Variants in LARP4B observed in about 807,000 individuals in gnomAD.
The protein encoded by LARP4B is La ribonucleoprotein 4B, also known as la-related protein 4B.
In LARP4B, 12 loss-of-function variants were observed where a neutral mutation model predicts 89.8. That is an observed-to-expected ratio of 0.13 (90% CI 0.09 to 0.22). The LOEUF (loss-of-function observed/expected upper bound fraction) is 0.22, where lower values mean the gene tolerates loss of function less well. Among genes scored for constraint, LARP4B ranks in the 10% least tolerant of loss-of-function variants. The probability of loss-of-function intolerance (pLI) is 1.00; values close to 1 mark genes in which losing one functional copy is unlikely to be tolerated. For missense variants in LARP4B, 757 were observed against 947.7 expected, an observed-to-expected ratio of 0.80 and a Z score of 2.64; for synonymous variants, 367 against 363.3, an observed-to-expected ratio of 1.01 and a Z score of -0.12.
intron 5 of LARP4B, 47 bp downstream of exon 5, chr10:863,696 A>C: frequency 6.5e-7 from 1 of 1,531,118 alleles, no homozygotes; most frequent in Non-Finnish European, 8.8e-7. Flanking sequence ...AAAATAAATA[A>C]AGCAGCCCAT....
At chr10:904,987 A>C (rs1836449619) in intron 1 of LARP4B, among the ~76,000 whole-genome samples, 1 of 152,236 alleles carries the variant, frequency 6.6e-6, no homozygotes, top group Non-Finnish European at 1.5e-5. Context: ...ATTTATTTAA[A>C]ACATTGTATA....
the LARP4B span, among the ~76,000 whole-genome samples, chr10:956,152 C>T: frequency 6.6e-6 from 1 of 152,156 alleles, no homozygotes; most frequent in Non-Finnish European, 1.5e-5. The surrounding 1 kb of genome is among the most constrained non-coding windows in gnomAD (Gnocchi z 4.3). Flanking sequence ...AATGACTCCA[C>T]GAACCCTGAC....
intron 5 of LARP4B, among the ~76,000 whole-genome samples, chr10:861,097 A>G (rs747993323): frequency 2.8e-4 from 43 of 152,184 alleles, no homozygotes; most frequent in Non-Finnish European, 4.3e-4. Flanking sequence ...CGGAGGTTGC[A>G]GTGAGCCGAG....
At chr10:850,543 C>G (rs1230998979) in intron 5 of LARP4B, among the ~76,000 whole-genome samples, 1 of 152,186 alleles carries the variant, frequency 6.6e-6, no homozygotes. Context: ...CAGAACCTTT[C>G]TTTCAATAGT....
chr10:960,690 A>T, the LARP4B span, among the ~76,000 whole-genome samples: 1 of 114,954 alleles, frequency 8.7e-6, no homozygotes, highest in Non-Finnish European at 1.6e-5. Context: ...CCAGGGCAAC[A>T]GAGTGAGACT....
At chr10:849,543 C>T (rs1307317805) in intron 5 of LARP4B, among the ~76,000 whole-genome samples, 2 of 152,184 alleles carry the variant, frequency 1.3e-5, no homozygotes, top group Admixed American at 6.5e-5. Context: ...ATCTCCCATA[C>T]ATAAGAATTT....
intron 1 of LARP4B, among the ~76,000 whole-genome samples, chr10:913,018 GCAAACCTTC>G (rs1239287546): frequency 6.6e-6 from 1 of 152,182 alleles, no homozygotes; most frequent in East Asian, 1.9e-4. Flanking sequence ...AGTTTACAGA[GCAAACCTTC>G]CCTTTGCTTG....
rs371606109 is a variant in LARP4B, at chr10:909,133, C to A, written c.-40+22295G>T. On this transcript the variant is annotated intron_variant, in intron 1 of 17. Coordinates refer to ENST00000316157, the MANE Select transcript of LARP4B (RefSeq NM_015155.3). ...CACGGTGAAACCCCGTCTCTACTAA[C>A]AATACAAAAAATTAGCCGGGCATGG... 7.1e-4 allele frequency among the ~76,000 whole-genome samples: 107 copies of A among 151,748 alleles called. 1 individual carries two copies. In the South Asian group the frequency reaches 0.019, roughly 27 times the overall value.
At chr10:966,001 A>T in the LARP4B span, among the ~76,000 whole-genome samples, 1 of 151,922 alleles carries the variant, frequency 6.6e-6, no homozygotes, top group East Asian at 1.9e-4. Context: ...AAAAGCAGAA[A>T]GGGACTTACG....
At chr10:927,211 T>G (rs1190803040) in intron 1 of LARP4B, among the ~76,000 whole-genome samples, 1 of 151,952 alleles carries the variant, frequency 6.6e-6, no homozygotes, top group Non-Finnish European at 1.5e-5. Flanking sequence ...CATGACAGCT[T>G]CACCAGAAAA....
chr10:908,541 G>C (rs1241063968), intron 1 of LARP4B, among the ~76,000 whole-genome samples: 1 of 120,242 alleles, frequency 8.3e-6, no homozygotes, highest in African/African-American at 3.0e-5. Flanking sequence ...TCATTCTGTG[G>C]GACCTGACAC....
chr10:897,463 A>G (rs1387328874), intron 1 of LARP4B, among the ~76,000 whole-genome samples: 1 of 152,200 alleles, frequency 6.6e-6, no homozygotes, highest in Non-Finnish European at 1.5e-5. Context: ...TGTATTAGGC[A>G]ATGGTTTATT....
At chr10:831,297 T>TAA (rs1554791094) in intron 8 of LARP4B, among the ~76,000 whole-genome samples, 191 of 147,280 alleles carry the variant, frequency 1.3e-3, no homozygotes, top group African/African-American at 4.6e-3. Flanking sequence ...TTTTTTTTTT[T>TAA]AAAGGCAATT....
At chr10:869,161 C>CTAACTG (rs1835062341) in intron 3 of LARP4B, among the ~76,000 whole-genome samples, 2 of 152,106 alleles carry the variant, frequency 1.3e-5, no homozygotes, top group African/African-American at 4.8e-5. Flanking sequence ...GAAGACAGAA[C>CTAACTG]CAAGATTTCA....
In LARP4B at chr10:903,782, T is replaced by A. The variant is rs574115308; in HGVS notation, c.-39-18022A>T. 7.2e-5 allele frequency among the ~76,000 whole-genome samples: 11 copies of A among 152,288 alleles called. No homozygotes were observed. In the East Asian group the frequency reaches 2.1e-3, roughly 29 times the overall value. ...ATCATCACAAAACTACAGTTTTCAATTGAAAATACATAATACTCAAAGAGT... is the reference window on the plus strand; with the variant it reads ...ATCATCACAAAACTACAGTTTTCAAATGAAAATACATAATACTCAAAGAGT... On this transcript the variant is annotated intron_variant, in intron 1 of 17. Transcript: ENST00000316157.
At position 885,771 on chromosome 10, in the gene LARP4B, G is replaced by T; in HGVS notation, c.-39-11C>A. 1 of 1,409,762 alleles carries T rather than the reference G, an allele frequency of 7.1e-7. No individual in the cohort carries two copies. Among genetic ancestry groups the T allele is most frequent in the Non-Finnish European group, 1.0e-6 (1 of 999,282 alleles). The allele number at this position is 1,409,762 out of a possible 1,614,324, so 87.3% of individuals were successfully genotyped here. On this transcript the variant is annotated splice_polypyrimidine_tract_variant and intron_variant, in intron 1 of 17. Transcript: ENST00000316157. ...GCTAACCTCAGGATGCTGTAAAATG[G>T]CAAAGACATTAAACAGGTCATTTGA... is the stretch of plus-strand genomic sequence containing the variant.
chr10:904,687 T>TCTG (rs1465194683), intron 1 of LARP4B, among the ~76,000 whole-genome samples: 1 of 152,204 alleles, frequency 6.6e-6, no homozygotes, highest in Admixed American at 6.5e-5. Context: ...CACTGAAAAG[T>TCTG]CTGCTGCTGC....
chr10:900,892 C>T (rs1354962552), intron 1 of LARP4B, among the ~76,000 whole-genome samples: 1 of 148,374 alleles, frequency 6.7e-6, no homozygotes, highest in Non-Finnish European at 1.5e-5. Context: ...GCTGGGATTA[C>T]AGGTGTGAGC....
chr10:909,158 G>C (rs762253063), intron 1 of LARP4B, among the ~76,000 whole-genome samples: 1 of 152,106 alleles, frequency 6.6e-6, no homozygotes, highest in Non-Finnish European at 1.5e-5. Flanking sequence ...GCCGGGCATG[G>C]TGGTGGGCAC....
Sources: allele counts gnomAD v4.1 joint callset (sites outside exome capture counted in the v4.1 genomes callset), GRCh38; gene constraint gnomAD v4.1.1; non-coding constraint Gnocchi (gnomAD v3.1); transcripts MANE v1.5; gene names NCBI Gene and HGNC (gene_info 2026-07-23, HGNC 2026-07-21).